Variants in TCF12 observed in about 807,000 individuals in gnomAD.
The protein encoded by TCF12 is transcription factor 12.
Under a neutral mutation model 86.0 loss-of-function variants are expected in TCF12, and 45 were observed. The observed-to-expected ratio is 0.52, with a 90% CI of 0.41 to 0.67. The LOEUF is 0.67. Among genes scored for constraint, TCF12 ranks in the 30% least tolerant of loss-of-function variants. The probability of loss-of-function intolerance (pLI) is 0.00; values close to 1 mark genes in which losing one functional copy is unlikely to be tolerated. For synonymous variants in TCF12, 330 were observed against 299.6 expected (o/e 1.10, Z -1.05); for missense variants, 881 against 859.9 (o/e 1.02, Z -0.31).
intron 19 of TCF12, among the ~76,000 whole-genome samples, chr15:57,276,356 A>G (rs139916184): frequency 4.4e-4 from 67 of 152,352 alleles, no homozygotes; most frequent in African/African-American, 1.5e-3. Flanking sequence ...TAATACTGCA[A>G]TCTTTCCTAC....
chr15:57,260,963 A>G (rs1348251634), intron 16 of TCF12, among the ~76,000 whole-genome samples: 1 of 152,200 alleles, frequency 6.6e-6, no homozygotes, highest in African/African-American at 2.4e-5. Flanking sequence ...TTTTAGGGGA[A>G]CAACCAAATA....
Position 57,024,216 on chromosome 15 carries a change from CTTTTTTTT to C in TCF12, c.149-39517_149-39510del, listed in dbSNP as rs59793819. On this transcript the variant is annotated intron_variant, in intron 3 of 20. Coordinates refer to ENST00000333725, the MANE Select transcript of TCF12 (RefSeq NM_207037.2). ...TGAGGACCCATACTCAAAAAAGTGTCTTTTTTTTTTTTTTTTTTTTTTTTGAGACGGAG... is the reference window on the plus strand; with the variant it reads ...TGAGGACCCATACTCAAAAAAGTGTCTTTTTTTTTTTTTTTTGAGACGGAG... Among the ~76,000 whole-genome samples, 596 of 111,272 alleles carry C rather than the reference CTTTTTTTT, an allele frequency of 5.4e-3. 8 individuals carry two copies. Among genetic ancestry groups the C allele is most frequent in the African/African-American group, 0.017 (533 of 32,006 alleles). The allele number at this position is 111,272 out of a possible 152,430, so 73.0% of individuals were successfully genotyped here.
chr15:57,164,451 A>C (rs1322071571), intron 5 of TCF12, among the ~76,000 whole-genome samples: 1 of 152,108 alleles, frequency 6.6e-6, no homozygotes, highest in East Asian at 1.9e-4. Flanking sequence ...CAGCAAGGAG[A>C]AGTACCGAGC....
intron 20 of TCF12, among the ~76,000 whole-genome samples, chr15:57,285,586 G>A (rs182705913): frequency 3.3e-5 from 5 of 152,146 alleles, no homozygotes; most frequent in African/African-American, 1.2e-4. Flanking sequence ...CACTGTGGTT[G>A]AGTGGAGGCA....
At chr15:57,245,777 G>A (rs2059829691) in intron 13 of TCF12, among the ~76,000 whole-genome samples, 1 of 152,150 alleles carries the variant, frequency 6.6e-6, no homozygotes, top group South Asian at 2.1e-4. Flanking sequence ...TGAAAATCTG[G>A]GCTGTTGAAT....
intron 4 of TCF12, among the ~76,000 whole-genome samples, chr15:57,075,161 C>T (rs1015275488): frequency 2.0e-5 from 3 of 152,152 alleles, no homozygotes; most frequent in South Asian, 4.1e-4. Flanking sequence ...TAATTAAGTG[C>T]CAGCTGTCCT....
intron 3 of TCF12, among the ~76,000 whole-genome samples, chr15:57,056,070 ACCAT>A (rs746277790): frequency 2.0e-5 from 3 of 151,432 alleles, no homozygotes; most frequent in Non-Finnish European, 2.9e-5. Flanking sequence ...TACTCTTAAG[ACCAT>A]CCAGGAAATT....
intron 5 of TCF12, among the ~76,000 whole-genome samples, chr15:57,135,239 A>C (rs575793015): frequency 8.5e-5 from 13 of 152,352 alleles, no homozygotes; most frequent in African/African-American, 3.1e-4. Context: ...TTTACATAAA[A>C]GAGTTGCATT....
chr15:57,218,996 A>G, intron 8 of TCF12: 1 of 1,019,782 alleles, frequency 9.8e-7, no homozygotes, highest in Non-Finnish European at 1.2e-6. Context: ...CAGTGTTTCC[A>G]ATTCCTGATT....
rs77627160 is a variant in TCF12 at position 57,162,736 on chromosome 15, C to T, written c.326-3666C>T. Reference sequence around the variant, plus strand: ...AAATGATCTATCATATGGGTAGCCTCGACACAGATAATTAAGATTGTATTT... The same window carrying T: ...AAATGATCTATCATATGGGTAGCCTTGACACAGATAATTAAGATTGTATTT... On this transcript the variant is annotated intron_variant, in intron 5 of 20. Coordinates refer to ENST00000333725, the MANE Select transcript of TCF12 (RefSeq NM_207037.2). Among the ~76,000 whole-genome samples the T allele has an allele frequency of 4.9e-3, 744 of 152,038 alleles. 17 individuals are homozygous for T. In the East Asian group the frequency reaches 0.061, roughly 12 times the overall value.
intron 5 of TCF12, among the ~76,000 whole-genome samples, chr15:57,143,477 G>A (rs2053136168): frequency 6.6e-6 from 1 of 151,984 alleles, no homozygotes; most frequent in Admixed American, 6.5e-5. Flanking sequence ...AACCGAAACA[G>A]CAACAAAAAA....
chr15:57,227,809 C>G (rs1294473275), intron 8 of TCF12, among the ~76,000 whole-genome samples: 1 of 151,988 alleles, frequency 6.6e-6, no homozygotes, highest in Non-Finnish European at 1.5e-5. Flanking sequence ...GGATAGAATT[C>G]TAAAGAAAAT....
At chr15:57,183,390 C>G (rs1036538883) in intron 6 of TCF12, among the ~76,000 whole-genome samples, 1 of 152,162 alleles carries the variant, frequency 6.6e-6, no homozygotes, top group East Asian at 1.9e-4. Context: ...TATTCTTGAT[C>G]TTAATTGATA....
intron 5 of TCF12, among the ~76,000 whole-genome samples, chr15:57,126,760 T>G (rs1361554011): frequency 6.6e-6 from 1 of 152,090 alleles, no homozygotes; most frequent in African/African-American, 2.4e-5. Flanking sequence ...ACAGTGAGGA[T>G]CTCTATGCTA....
At chr15:57,259,476 A>T (rs2060488673) in intron 16 of TCF12, among the ~76,000 whole-genome samples, 1 of 152,258 alleles carries the variant, frequency 6.6e-6, no homozygotes, top group Admixed American at 6.5e-5. Context: ...AACTAATTAG[A>T]TTTAACATTT....
At chr15:57,007,878 CT>C (rs2064541187) in intron 3 of TCF12, among the ~76,000 whole-genome samples, 6 of 114,638 alleles carry the variant, frequency 5.2e-5, no homozygotes, top group African/African-American at 2.0e-4. Context: ...TCCTTCCTTC[CT>C]TCCTTCCTTC....
intron 8 of TCF12, among the ~76,000 whole-genome samples, chr15:57,213,454 A>G (rs1432086931): frequency 6.6e-6 from 1 of 152,250 alleles, no homozygotes; most frequent in African/African-American, 2.4e-5. Context: ...TACTACCACT[A>G]GCAAGAATTT....
chr15:57,252,386 G>T lies in TCF12; in HGVS notation c.1189-35G>T, dbSNP rs201270050. ...TCTCTTTTGGAGTTAATCTTAACCTGTGCTTTGCCTCCTGTTCTGTCTTGA... is the reference window on the plus strand; with the variant it reads ...TCTCTTTTGGAGTTAATCTTAACCTTTGCTTTGCCTCCTGTTCTGTCTTGA... On this transcript the variant is annotated intron_variant, in intron 14 of 20. Transcript: ENST00000333725. 3.5e-3 allele frequency: 5,471 copies of T among 1,574,880 alleles called. 16 individuals are homozygous for T. The highest frequency in any genetic ancestry group is 4.2e-3 in the Non-Finnish European group (4,784 of 1,145,380).
At chr15:56,960,657 T>A (rs1311329178) in intron 3 of TCF12, among the ~76,000 whole-genome samples, 1 of 151,426 alleles carries the variant, frequency 6.6e-6, no homozygotes, top group East Asian at 2.0e-4. Flanking sequence ...CTCAAACTCC[T>A]GACCTCAGGT....
Sources: gnomAD v4.1 joint callset for allele counts (sites outside exome capture counted in the v4.1 genomes callset) on GRCh38, gnomAD v4.1.1 for gene constraint, MANE v1.5 for transcripts, NCBI Gene and HGNC (gene_info 2026-07-23, HGNC 2026-07-21) for gene names.